The following CDH12 variants were observed in gnomAD, a reference collection of about 807,000 sequenced individuals.
CDH12 encodes the protein cadherin-12.
In CDH12, 41 loss-of-function variants were observed where a neutral mutation model predicts 74.1. The ratio of observed to expected loss-of-function variants is 0.55; its 90% CI spans 0.43 to 0.72. The LOEUF is 0.72. Among genes scored for constraint, CDH12 ranks in the 30% least tolerant of loss-of-function variants. The pLI is 0.00. For missense variants in CDH12, 945 were observed against 977.2 expected (o/e 0.97, Z 0.44); for synonymous variants, 399 against 355.0 (o/e 1.12, Z -1.39).
At chr5:22,548,880 T>C (rs1268509280) in intron 1 of CDH12, among the ~76,000 whole-genome samples, 1 of 152,108 alleles carries the variant, frequency 6.6e-6, no homozygotes, top group Non-Finnish European at 1.5e-5. Context: ...TTTCTCATAG[T>C]GCTTCCTAGA....
chr5:22,554,774 T>C (rs193242972), intron 1 of CDH12, among the ~76,000 whole-genome samples: 3 of 152,112 alleles, frequency 2.0e-5, no homozygotes, highest in South Asian at 2.1e-4. Flanking sequence ...ATTATCTTCT[T>C]ATTTTACATA....
intron 1 of CDH12, among the ~76,000 whole-genome samples, chr5:22,586,910 G>A (rs1740433633): frequency 6.9e-6 from 1 of 145,154 alleles, no homozygotes; most frequent in South Asian, 2.2e-4. Context: ...GCAATGGTGT[G>A]GTCTCGGGTC....
At chr5:22,709,477 T>G (rs1743187623) in intron 1 of CDH12, among the ~76,000 whole-genome samples, 1 of 152,182 alleles carries the variant, frequency 6.6e-6, no homozygotes, top group Non-Finnish European at 1.5e-5. Context: ...ATATATAATT[T>G]TAAATTTCTG....
chr5:22,683,633 G>A (rs751396376), intron 1 of CDH12, among the ~76,000 whole-genome samples: 1 of 152,166 alleles, frequency 6.6e-6, no homozygotes, highest in African/African-American at 2.4e-5. Context: ...ATTGAGCTAA[G>A]TGCCTAAAAT....
At chr5:22,031,004 G>T (rs1285977522) in intron 5 of CDH12, among the ~76,000 whole-genome samples, 1 of 152,112 alleles carries the variant, frequency 6.6e-6, no homozygotes, top group Non-Finnish European at 1.5e-5. Flanking sequence ...GAATTGAGGA[G>T]AGTTAGGGCC....
At chr5:21,998,454 T>C (rs1399296290) in intron 5 of CDH12, among the ~76,000 whole-genome samples, 2 of 152,220 alleles carry the variant, frequency 1.3e-5, no homozygotes, top group Admixed American at 1.3e-4. Context: ...TCTTGCATCT[T>C]ATGTTGAGTT....
At chr5:22,286,169 G>A (rs1016694408) in intron 3 of CDH12, among the ~76,000 whole-genome samples, 1 of 152,008 alleles carries the variant, frequency 6.6e-6, no homozygotes, top group Admixed American at 6.6e-5. Context: ...GATTCAAAAT[G>A]TCTTATATGT....
At chr5:22,215,343 A>T (rs1161986364) in intron 3 of CDH12, among the ~76,000 whole-genome samples, 1 of 152,170 alleles carries the variant, frequency 6.6e-6, no homozygotes, top group Non-Finnish European at 1.5e-5. Flanking sequence ...TATGATTAAC[A>T]AAAATCATTT....
chr5:22,469,858 G>C (rs1432953695), intron 2 of CDH12, among the ~76,000 whole-genome samples: 1 of 152,142 alleles, frequency 6.6e-6, no homozygotes, highest in Non-Finnish European at 1.5e-5. Context: ...TCCTTACTGT[G>C]CAATCTCATA....
chr5:22,393,091 C>A (rs186721862), intron 3 of CDH12, among the ~76,000 whole-genome samples: 1 of 152,208 alleles, frequency 6.6e-6, no homozygotes, highest in Non-Finnish European at 1.5e-5. Context: ...AAAACGTCTT[C>A]ACAGAATTAA....
At chr5:22,848,597 C>G (rs1269288186) in intron 1 of CDH12, among the ~76,000 whole-genome samples, 1 of 152,108 alleles carries the variant, frequency 6.6e-6, no homozygotes, top group Non-Finnish European at 1.5e-5. Context: ...GATCTTCTGT[C>G]TGGGATCATT....
chr5:21,807,635 T>C (rs1045139055), intron 9 of CDH12, among the ~76,000 whole-genome samples: 1 of 152,052 alleles, frequency 6.6e-6, no homozygotes, highest in African/African-American at 2.4e-5. Flanking sequence ...TTCCAGATAA[T>C]GTTGAGTGGA....
intron 3 of CDH12, among the ~76,000 whole-genome samples, chr5:22,350,235 A>T (rs1740302695): frequency 6.6e-6 from 1 of 152,238 alleles, no homozygotes; most frequent in African/African-American, 2.4e-5. Context: ...GAGTTACAAT[A>T]GAAGACTTAA....
rs1737633467 is a variant in CDH12, at chr5:22,853,149, T to A, written c.-614A>T. On this transcript the variant is annotated 5_prime_UTR_variant, in exon 1 of 15. Transcript: ENST00000382254. ...AGCCTTGCGCGGAAGGTGAGACCCTTCTCTTCTGTTTCCCCTTTCCAAATC... is the reference window on the plus strand; with the variant it reads ...AGCCTTGCGCGGAAGGTGAGACCCTACTCTTCTGTTTCCCCTTTCCAAATC... 6.6e-6 allele frequency: 1 copy of A among 152,198 alleles called. No homozygotes were observed. Among genetic ancestry groups the A allele is most frequent in the African/African-American group, 2.4e-5 (1 of 41,440 alleles). The allele number at this position is 152,198 out of a possible 1,614,324, so 9.4% of individuals were successfully genotyped here.
At chr5:22,792,859 A>G (rs2126389154) in intron 1 of CDH12, among the ~76,000 whole-genome samples, 1 of 152,274 alleles carries the variant, frequency 6.6e-6, no homozygotes, top group East Asian at 1.9e-4. Context: ...CATCACCATC[A>G]CCTATCAGAT....
rs1239859601 is a variant in CDH12 at position 22,117,465 on chromosome 5, TATA to T, written c.-186-38606_-186-38604del. Among the ~76,000 whole-genome samples, 36 of 65,302 alleles carry T rather than the reference TATA, an allele frequency of 5.5e-4. 1 individual carries two copies. Among genetic ancestry groups the T allele is most frequent in the African/African-American group, 2.0e-3 (36 of 17,992 alleles). 42.8% of individuals were successfully genotyped at this position (65,302 alleles called of 152,430 possible). On this transcript the variant is annotated intron_variant, in intron 4 of 14. Coordinates refer to ENST00000382254, the MANE Select transcript of CDH12 (RefSeq NM_004061.5). ...ATATATATAATATATATATTATATA[TATA>T]ATATATATATTATATATATATTATA...
chr5:22,066,057 A>C (rs1165836437), intron 5 of CDH12, among the ~76,000 whole-genome samples: 1 of 152,182 alleles, frequency 6.6e-6, no homozygotes, highest in Non-Finnish European at 1.5e-5. Context: ...GACTTGCACC[A>C]GTTTATAGAC....
intron 3 of CDH12, among the ~76,000 whole-genome samples, chr5:22,270,498 G>A (rs1348302361): frequency 6.6e-6 from 1 of 151,616 alleles, no homozygotes; most frequent in Admixed American, 6.6e-5. Flanking sequence ...GGGAGGCTGA[G>A]GCAGGAGAAT....
At chr5:22,772,490 G>A (rs1250886443) in intron 1 of CDH12, among the ~76,000 whole-genome samples, 1 of 151,990 alleles carries the variant, frequency 6.6e-6, no homozygotes, top group Non-Finnish European at 1.5e-5. Flanking sequence ...TAGAAAAGCT[G>A]TGGACTCACT....
Sources: allele counts gnomAD v4.1 joint callset (sites outside exome capture counted in the v4.1 genomes callset), GRCh38; gene constraint gnomAD v4.1.1; transcripts MANE v1.5; gene names NCBI Gene and HGNC (gene_info 2026-07-23, HGNC 2026-07-21).